The following DDX31 variants were observed in gnomAD, a reference collection of about 807,000 sequenced individuals.
DDX31 encodes ATP-dependent DNA helicase DDX31.
In DDX31, 70 loss-of-function variants were observed where a neutral mutation model predicts 91.3. That is an observed-to-expected ratio of 0.77 (90% CI 0.63 to 0.94). DDX31 has a LOEUF of 0.94. DDX31 is among the 40% of genes least tolerant of loss of function. DDX31 has a pLI of 0.00. For synonymous variants in DDX31, 362 were observed against 350.6 expected (o/e 1.03, Z -0.36); for missense variants, 902 against 925.0 (o/e 0.98, Z 0.32).
chr9:132,646,822 C>T lies in DDX31; in HGVS notation c.1203+1G>A. 1 of 1,613,788 alleles carries T rather than the reference C, an allele frequency of 6.2e-7. No homozygotes were observed. The highest frequency in any genetic ancestry group is 8.5e-7 in the Non-Finnish European group (1 of 1,179,890). Reference sequence around the variant, plus strand: ...AAGTCGGCTCTAGCCCACAGTCCCACCTTGCATTTCTGAAGGATGAAGGCC... The same window carrying T: ...AAGTCGGCTCTAGCCCACAGTCCCATCTTGCATTTCTGAAGGATGAAGGCC... On this transcript the variant is annotated splice_donor_variant, in intron 12 of 19. Coordinates refer to ENST00000372159, the MANE Select transcript of DDX31 (RefSeq NM_022779.9). LOFTEE classifies it high-confidence loss of function.
At chr9:132,625,556 TA>T (rs895215414) in intron 17 of DDX31, 107 bp downstream of exon 17, 47 of 810,564 alleles carry the variant, frequency 5.8e-5, no homozygotes, top group Middle Eastern at 4.5e-4. Flanking sequence ...GTTCTTAAAA[TA>T]AATGTATTGC....
intron 1 of DDX31, chr9:132,669,445 T>G (rs752275213): frequency 1.7e-5 from 9 of 534,554 alleles, no homozygotes; most frequent in African/African-American, 8.0e-5. Context: ...GGCATGACTC[T>G]TCCCAGACAG....
chr9:132,628,665 TG>T (rs2130644047), intron 16 of DDX31, among the ~76,000 whole-genome samples: 1 of 152,340 alleles, frequency 6.6e-6, no homozygotes, highest in Admixed American at 6.5e-5. Context: ...CTGCAACTGC[TG>T]TCACTCATTT....
chr9:132,643,603 C>T (rs1418674833), intron 13 of DDX31, among the ~76,000 whole-genome samples: 2 of 152,126 alleles, frequency 1.3e-5, no homozygotes, highest in African/African-American at 2.4e-5. Context: ...CACAACAACC[C>T]TATGTGTAAG....
At chr9:132,615,086 T>A (rs980187050) in intron 18 of DDX31, among the ~76,000 whole-genome samples, 13 of 152,144 alleles carry the variant, frequency 8.5e-5, no homozygotes, top group South Asian at 6.2e-4. Flanking sequence ...AAAGCAGACA[T>A]TTATTTGGGG....
At chr9:132,661,667 A>G (rs1426902758) in intron 3 of DDX31, among the ~76,000 whole-genome samples, 1 of 152,226 alleles carries the variant, frequency 6.6e-6, no homozygotes, top group East Asian at 1.9e-4. Flanking sequence ...AAGGGGTAGT[A>G]AGCTGTAACC....
At chr9:132,666,913 C>T (rs1590116144) in intron 1 of DDX31, among the ~76,000 whole-genome samples, 1 of 152,208 alleles carries the variant, frequency 6.6e-6, no homozygotes, top group Non-Finnish European at 1.5e-5. Flanking sequence ...CGGGGTTTCA[C>T]TGTGTTAGCC....
rs1830323219 is a variant in DDX31 at position 132,594,200 on chromosome 9, AGAGT to A, written c.*662_*665del. ...CAACAGTAAATCAATTAGCCCTGAGAGAGTGAGTTTTCAGTGGACATGAAAGAGG... is the reference window on the plus strand; with the variant it reads ...CAACAGTAAATCAATTAGCCCTGAGAGAGTTTTCAGTGGACATGAAAGAGG... On this transcript the variant is annotated 3_prime_UTR_variant, in exon 20 of 20. Coordinates refer to ENST00000372159, the MANE Select transcript of DDX31 (RefSeq NM_022779.9). 1 of 152,284 alleles carries A rather than the reference AGAGT, an allele frequency of 6.6e-6. No individual in the cohort carries two copies. The highest frequency in any genetic ancestry group is 6.5e-5 in the Admixed American group (1 of 15,304). The allele number at this position is 152,284 out of a possible 1,614,324, so 9.4% of individuals were successfully genotyped here.
chr9:132,622,113 G>A (rs952307905), intron 17 of DDX31, among the ~76,000 whole-genome samples: 1 of 152,144 alleles, frequency 6.6e-6, no homozygotes, highest in African/African-American at 2.4e-5. Flanking sequence ...AAGAATCTAT[G>A]AGGTCTGGAA....
chr9:132,662,358 C>T lies in DDX31; in HGVS notation c.333-22G>A, dbSNP rs145631556. On this transcript the variant is annotated intron_variant, in intron 2 of 19. Coordinates refer to ENST00000372159, the MANE Select transcript of DDX31 (RefSeq NM_022779.9). ...AGGTCTGCAAATGATGAACAAGAAC[C>T]CAGGCATCAGTGCCAATATTAACAA... 4 of 1,614,008 alleles carry T rather than the reference C, an allele frequency of 2.5e-6. No homozygotes were observed. The East Asian group carries it at 8.9e-5, about 36-fold the overall frequency.
At chr9:132,630,836 T>C (rs987448199) in intron 15 of DDX31, among the ~76,000 whole-genome samples, 2 of 152,192 alleles carry the variant, frequency 1.3e-5, no homozygotes, top group African/African-American at 4.8e-5. Context: ...CAGAGGACAC[T>C]GGAGGGTGTA....
At chr9:132,596,130 C>T (rs1589948439) in intron 19 of DDX31, among the ~76,000 whole-genome samples, 1 of 152,358 alleles carries the variant, frequency 6.6e-6, no homozygotes, top group East Asian at 1.9e-4. Context: ...ATGTTACGTT[C>T]TGCTACTACA....
At position 132,662,514 on chromosome 9, in the gene DDX31, C is replaced by A; in HGVS notation, c.257G>T (p.Arg86Ile). Residue 86 changes from arginine (R) to isoleucine (I), a missense_variant, in exon 2 of 20, where the codon AGA (arginine) becomes ATA (isoleucine). Physicochemically the swap from Arg to Ile is moderately conservative, Grantham distance 97 (BLOSUM62 -3). Coordinates refer to ENST00000372159, the MANE Select transcript of DDX31 (RefSeq NM_022779.9). The part of the protein sequence containing the change: ...PKKHSVSTSD[R>I]NQEERQCIKT... ...AATGCACTGTCTCTCCTCCTGGTTTCTATCACTTGTGCTAACCGAATGCTT... is the reference window on the plus strand; with the variant it reads ...AATGCACTGTCTCTCCTCCTGGTTTATATCACTTGTGCTAACCGAATGCTT... 1 of 1,614,214 alleles carries A rather than the reference C, an allele frequency of 6.2e-7. No homozygotes were observed.
At chr9:132,641,107 C>T (rs914637981) in intron 14 of DDX31, among the ~76,000 whole-genome samples, 2 of 152,076 alleles carry the variant, frequency 1.3e-5, no homozygotes, top group Non-Finnish European at 2.9e-5. Context: ...CACAAGAAAC[C>T]ATGCTGCACT....
intron 18 of DDX31, among the ~76,000 whole-genome samples, chr9:132,615,052 C>T (rs12685594): frequency 6.6e-6 from 1 of 151,924 alleles, no homozygotes; most frequent in African/African-American, 2.4e-5. Flanking sequence ...GGGACCCACA[C>T]AAGCGGAAGG....
At position 132,597,980 on chromosome 9, in the gene DDX31, T is replaced by C. The variant is rs554552593; in HGVS notation, c.1995-2868A>G. Among the ~76,000 whole-genome samples, 9 of 152,308 alleles carry C rather than the reference T, an allele frequency of 5.9e-5. No homozygotes were observed. The East Asian group carries it at 1.2e-3, about 20-fold the overall frequency. On this transcript the variant is annotated intron_variant, in intron 19 of 19. Transcript: ENST00000372159. ...TTATCATCACCACCTTTCCTGGCTATTTCATCATGTTAGTCAATGTCCTTT... is the reference window on the plus strand; with the variant it reads ...TTATCATCACCACCTTTCCTGGCTACTTCATCATGTTAGTCAATGTCCTTT...
In DDX31 at chr9:132,642,080, A is replaced by G. The variant is rs755473027; in HGVS notation, c.1381-17T>C. ...TGTTCTTTCCTACAAAAACAAGGAA[A>G]AATAGAGCCTTACAACTCAGAGACA... On this transcript the variant is annotated splice_polypyrimidine_tract_variant and intron_variant, in intron 13 of 19. Transcript: ENST00000372159. 6.2e-7 allele frequency: 1 copy of G among 1,613,724 alleles called. No homozygotes were observed. The highest frequency in any genetic ancestry group is 8.5e-7 in the Non-Finnish European group (1 of 1,179,616).
intron 17 of DDX31, among the ~76,000 whole-genome samples, chr9:132,621,848 T>G (rs921889565): frequency 6.6e-6 from 1 of 152,190 alleles, no homozygotes; most frequent in Non-Finnish European, 1.5e-5. Context: ...TTTAGTTTAG[T>G]TTTTCTTTTT....
At chr9:132,661,394 T>C (rs1834933838) in intron 3 of DDX31, 143 bp from the exon 4 acceptor site, 5 of 731,392 alleles carry the variant, frequency 6.8e-6, no homozygotes, top group Admixed American at 5.7e-5. Flanking sequence ...TGCTCTCTAC[T>C]TGGGGCGATT....
Sources: allele counts gnomAD v4.1 joint callset (sites outside exome capture counted in the v4.1 genomes callset), GRCh38; gene constraint gnomAD v4.1.1; transcripts MANE v1.5; gene names NCBI Gene and HGNC (gene_info 2026-07-23, HGNC 2026-07-21).